Variants in NREP observed in about 807,000 individuals in gnomAD.
The protein encoded by NREP is neuronal regeneration-related protein.
Under a neutral mutation model 8.6 loss-of-function variants are expected in NREP, and 5 were observed. The ratio of observed to expected loss-of-function variants is 0.58; its 90% CI spans 0.30 to 1.22. The LOEUF is 1.22. NREP is among the 50% of genes most tolerant of loss of function. The pLI is 0.07. For missense variants in NREP, 86 were observed against 82.5 expected, an observed-to-expected ratio of 1.04 and a Z score of -0.17; for synonymous variants, 27 against 28.0, an observed-to-expected ratio of 0.96 and a Z score of 0.11.
At chr5:111,900,445 T>TA (rs1300568659) in intron 2 of NREP, among the ~76,000 whole-genome samples, 2 of 151,528 alleles carry the variant, frequency 1.3e-5, no homozygotes, top group African/African-American at 4.8e-5. Context: ...TAATAGAGGC[T>TA]AAAAATAAAT....
intron 2 of NREP, among the ~76,000 whole-genome samples, chr5:111,799,919 A>G (rs1751962524): frequency 6.6e-6 from 1 of 151,976 alleles, no homozygotes; most frequent in Non-Finnish European, 1.5e-5. Flanking sequence ...ATTTAATGAA[A>G]TGTAATTTTT....
intron 2 of NREP, among the ~76,000 whole-genome samples, chr5:111,876,385 A>T (rs959699759): frequency 6.6e-6 from 1 of 152,196 alleles, no homozygotes; most frequent in Admixed American, 6.5e-5. Flanking sequence ...TCACAGCCCA[A>T]CTTCATTGGC....
intron 2 of NREP, among the ~76,000 whole-genome samples, chr5:111,799,350 C>T (rs1206269269): frequency 6.6e-6 from 1 of 152,066 alleles, no homozygotes; most frequent in African/African-American, 2.4e-5. Flanking sequence ...TTGTAGACTG[C>T]TTTTAGCAGT....
intron 2 of NREP, among the ~76,000 whole-genome samples, chr5:111,888,915 G>A (rs1754326453): frequency 6.6e-6 from 1 of 152,092 alleles, no homozygotes. Flanking sequence ...AACAAGAGTG[G>A]GGTTGTGATC....
At chr5:111,835,850 C>A (rs1384707563) in intron 2 of NREP, among the ~76,000 whole-genome samples, 4 of 152,034 alleles carry the variant, frequency 2.6e-5, no homozygotes, top group African/African-American at 9.7e-5. Context: ...AAAATGATTT[C>A]TTGACCAGAA....
chr5:111,923,314 T>C (rs577160612), intron 2 of NREP, among the ~76,000 whole-genome samples: 2 of 152,260 alleles, frequency 1.3e-5, no homozygotes, highest in African/African-American at 4.8e-5. Context: ...ACAAAGAGAC[T>C]CCCATCTATA....
At chr5:111,855,772 G>T (rs1048196011) in intron 2 of NREP, among the ~76,000 whole-genome samples, 3 of 152,102 alleles carry the variant, frequency 2.0e-5, no homozygotes, top group African/African-American at 7.2e-5. Flanking sequence ...CCACCCCTAG[G>T]GGTTGCAGGA....
chr5:111,846,415 GTTTGCT>G (rs1753168689), intron 2 of NREP: 1 of 35,440 alleles, frequency 2.8e-5, no homozygotes, highest in African/African-American at 1.0e-4. Flanking sequence ...TTACCTTTTT[GTTTGCT>G]TTTTTTTTTT....
chr5:111,831,782 C>G (rs1752773857), intron 2 of NREP, among the ~76,000 whole-genome samples: 1 of 152,216 alleles, frequency 6.6e-6, no homozygotes, highest in African/African-American at 2.4e-5. Flanking sequence ...TTCTTTCTTT[C>G]TGTTAATGGC....
chr5:111,974,948 T>C (rs918567756), intron 2 of NREP, among the ~76,000 whole-genome samples: 2 of 152,026 alleles, frequency 1.3e-5, no homozygotes, highest in Non-Finnish European at 2.9e-5. Flanking sequence ...AAAGACCACG[T>C]GAGTTCCAAG....
chr5:111,855,861 G>A (rs576781851), intron 2 of NREP, among the ~76,000 whole-genome samples: 3 of 152,058 alleles, frequency 2.0e-5, no homozygotes, highest in Non-Finnish European at 4.4e-5. Flanking sequence ...CACACCAAAT[G>A]TAGCTTGGAG....
At chr5:111,755,903 A>C (rs930735951) in intron 1 of NREP, 73 bp from the exon 2 acceptor site, 1 of 1,584,706 alleles carries the variant, frequency 6.3e-7, no homozygotes, top group African/African-American at 1.3e-5. Flanking sequence ...GCCTCTTTAG[A>C]GGTTACAGAC....
intron 2 of NREP, among the ~76,000 whole-genome samples, chr5:111,797,508 G>A (rs1751901206): frequency 6.6e-6 from 1 of 152,156 alleles, no homozygotes; most frequent in Non-Finnish European, 1.5e-5. Flanking sequence ...ATTTTATGGA[G>A]TTCATCACTT....
At chr5:111,910,813 C>T (rs1253513379) in intron 2 of NREP, among the ~76,000 whole-genome samples, 1 of 152,030 alleles carries the variant, frequency 6.6e-6, no homozygotes, top group Non-Finnish European at 1.5e-5. Flanking sequence ...AGAGTTTGCT[C>T]AGCTTATTAA....
chr5:111,962,439 T>C (rs904559439), intron 2 of NREP, among the ~76,000 whole-genome samples: 12 of 152,162 alleles, frequency 7.9e-5, no homozygotes, highest in African/African-American at 2.7e-4. Context: ...CAAGCAGCTT[T>C]TCCTTTCTTA....
At chr5:111,865,899 A>T (rs1753652801) in intron 2 of NREP, among the ~76,000 whole-genome samples, 1 of 152,140 alleles carries the variant, frequency 6.6e-6, no homozygotes, top group South Asian at 2.1e-4. Context: ...GAAGACTATA[A>T]ATATATGTGA....
chr5:111,963,177 C>G (rs1033960983), intron 2 of NREP, among the ~76,000 whole-genome samples: 14 of 152,250 alleles, frequency 9.2e-5, no homozygotes, highest in African/African-American at 3.4e-4. Flanking sequence ...GCACCCCCAG[C>G]TGAGCAACGC....
chr5:111,901,516 T>A (rs1246938864), intron 2 of NREP, among the ~76,000 whole-genome samples: 1 of 151,956 alleles, frequency 6.6e-6, no homozygotes, highest in Non-Finnish European at 1.5e-5. Flanking sequence ...AAAGAGGAAG[T>A]CAAATTGTTC....
chr5:111,815,768 C>T (rs1031231235), intron 2 of NREP, among the ~76,000 whole-genome samples: 4 of 151,958 alleles, frequency 2.6e-5, no homozygotes. Flanking sequence ...CAAAAAACGC[C>T]ATGTAAGATA....
Sources: gnomAD v4.1 joint callset for allele counts (sites outside exome capture counted in the v4.1 genomes callset) on GRCh38, gnomAD v4.1.1 for gene constraint, MANE v1.5 for transcripts, NCBI Gene and HGNC (gene_info 2026-07-23, HGNC 2026-07-21) for gene names.